Variants in CYRIA observed in about 807,000 individuals in gnomAD.
CYRIA encodes the protein CYFIP-related Rac1 interactor A.
Under a neutral mutation model 43.9 loss-of-function variants are expected in CYRIA, and 15 were observed. The observed-to-expected ratio is 0.34, with a 90% CI of 0.23 to 0.53. The LOEUF (loss-of-function observed/expected upper bound fraction) is 0.53. CYRIA is among the 20% of genes least tolerant of loss of function. The pLI is 0.94. For synonymous variants in CYRIA, 117 were observed against 136.0 expected (o/e 0.86, Z 0.97); for missense variants, 236 against 394.2 (o/e 0.60, Z 3.40).
chr2:16,602,702 G>C (rs1360835490), intron 2 of CYRIA, among the ~76,000 whole-genome samples: 1 of 151,986 alleles, frequency 6.6e-6, no homozygotes, highest in Non-Finnish European at 1.5e-5. Context: ...AAAAAGAATG[G>C]GTCCAAGAAT....
chr2:16,586,412 T>A (rs1409228879), intron 3 of CYRIA, among the ~76,000 whole-genome samples: 2 of 152,012 alleles, frequency 1.3e-5, no homozygotes, highest in Non-Finnish European at 2.9e-5. Flanking sequence ...TAGAGGAATA[T>A]CAAAAGTTAA....
At chr2:16,576,688 A>AC (rs1244985721) in intron 3 of CYRIA, among the ~76,000 whole-genome samples, 1 of 152,212 alleles carries the variant, frequency 6.6e-6, no homozygotes, top group Non-Finnish European at 1.5e-5. Flanking sequence ...AGCTATTCAC[A>AC]CCACGACTAG....
At chr2:16,573,102 T>A (rs1299377594) in intron 3 of CYRIA, among the ~76,000 whole-genome samples, 1 of 152,204 alleles carries the variant, frequency 6.6e-6, no homozygotes, top group East Asian at 1.9e-4. Flanking sequence ...ATGCAAGAGA[T>A]GTTCTGCATA....
intron 4 of CYRIA, among the ~76,000 whole-genome samples, chr2:16,565,215 G>A (rs1666884333): frequency 7.1e-6 from 1 of 139,872 alleles, no homozygotes; most frequent in Non-Finnish European, 1.5e-5. Context: ...CACTCTTGTT[G>A]CCCAGGCTGG....
chr2:16,621,657 C>G (rs1433569381), intron 2 of CYRIA, among the ~76,000 whole-genome samples: 2 of 152,166 alleles, frequency 1.3e-5, no homozygotes, highest in Non-Finnish European at 2.9e-5. Flanking sequence ...GTGCATTCCC[C>G]GATCAGAGAT....
At chr2:16,569,061 A>G (rs991261106) in intron 3 of CYRIA, among the ~76,000 whole-genome samples, 2 of 152,216 alleles carry the variant, frequency 1.3e-5, no homozygotes, top group Admixed American at 6.5e-5. Flanking sequence ...TGAAAAAGGT[A>G]CTGGCACTAG....
At chr2:16,638,163 A>G (rs2103531042) in intron 1 of CYRIA, among the ~76,000 whole-genome samples, 1 of 152,212 alleles carries the variant, frequency 6.6e-6, no homozygotes, top group East Asian at 1.9e-4. Context: ...AGCAGTAAGA[A>G]GGAGAAGGAA....
intron 5 of CYRIA, 99 bp from the exon 6 acceptor site, chr2:16,562,240 C>G: frequency 2.3e-6 from 3 of 1,278,852 alleles, no homozygotes; most frequent in Non-Finnish European, 3.2e-6. Flanking sequence ...CGGAGATCAC[C>G]TGCTTGAGTC....
At chr2:16,578,285 G>A (rs914643797) in intron 3 of CYRIA, among the ~76,000 whole-genome samples, 2 of 152,164 alleles carry the variant, frequency 1.3e-5, no homozygotes, top group Non-Finnish European at 2.9e-5. Context: ...GTGATTTTCT[G>A]AGTGCACGTA....
chr2:16,604,077 C>T (rs1364001853), intron 2 of CYRIA, among the ~76,000 whole-genome samples: 2 of 152,170 alleles, frequency 1.3e-5, no homozygotes, highest in Non-Finnish European at 2.9e-5. Context: ...CGTCGTCAGG[C>T]CAGCGCCTTC....
At chr2:16,560,819 A>T in intron 9 of CYRIA, 171 bp downstream of exon 9, 3 of 645,710 alleles carry the variant, frequency 4.6e-6, no homozygotes, top group Non-Finnish European at 5.5e-6. Context: ...TCAGCTATGC[A>T]GTAGTGATAG....
Position 16,552,311 on chromosome 2 carries a change from T to G in CYRIA, c.*625A>C, listed in dbSNP as rs1177874953. 1 of 151,980 alleles carries G rather than the reference T, an allele frequency of 6.6e-6. No individual in the cohort carries two copies. Among genetic ancestry groups the G allele is most frequent in the Non-Finnish European group, 1.5e-5 (1 of 68,004 alleles). The allele number at this position is 151,980 out of a possible 1,614,324, so 9.4% of individuals were successfully genotyped here. A position where few individuals can be genotyped will look rare whatever the true frequency, so the allele number is the denominator to read the frequency against. ...ACTAACTGAAAAAAATACAGGAGATTTTTTTTTCATGTGAAATTAAAGGAG... is the reference window on the plus strand; with the variant it reads ...ACTAACTGAAAAAAATACAGGAGATGTTTTTTTCATGTGAAATTAAAGGAG... On this transcript the variant is annotated 3_prime_UTR_variant, in exon 12 of 12. Transcript: ENST00000381323.
chr2:16,564,419 C>T (rs781287522), intron 4 of CYRIA, among the ~76,000 whole-genome samples: 31 of 152,298 alleles, frequency 2.0e-4, no homozygotes, highest in Non-Finnish European at 4.0e-4. Context: ...TGGAATTCTG[C>T]TCATTATAAA....
chr2:16,580,560 A>G (rs747922481), intron 3 of CYRIA, among the ~76,000 whole-genome samples: 6 of 152,194 alleles, frequency 3.9e-5, no homozygotes, highest in South Asian at 2.1e-4. Flanking sequence ...ACACATGGCA[A>G]TTCTCCCCTA....
intron 1 of CYRIA, among the ~76,000 whole-genome samples, chr2:16,654,834 T>C (rs1423774651): frequency 6.6e-6 from 1 of 152,214 alleles, no homozygotes; most frequent in African/African-American, 2.4e-5. Context: ...GGGAATACTA[T>C]GAAAAATTAA....
chr2:16,575,593 T>C (rs1042091600), intron 3 of CYRIA, among the ~76,000 whole-genome samples: 3 of 152,056 alleles, frequency 2.0e-5, no homozygotes, highest in South Asian at 2.1e-4. Context: ...CGGTGGCTCA[T>C]GCTTGTAATC....
rs890395655 is a variant in CYRIA at position 16,565,528 on chromosome 2, C to G, written c.192+118G>C. 2.4e-6 allele frequency: 3 copies of G among 1,238,046 alleles called. No homozygotes were observed. In the South Asian group the frequency reaches 6.6e-5, roughly 27 times the overall value. 76.7% of individuals were successfully genotyped at this position (1,238,046 alleles called of 1,614,324 possible). A position where few individuals can be genotyped will look rare whatever the true frequency, so the allele number is the denominator to read the frequency against. ...AGGACACATTACCCTCCTTGTTCTT[C>G]CTGGTACTCTAGGAAATACTGTAGC... On this transcript the variant is annotated intron_variant, in intron 4 of 11. Coordinates refer to ENST00000381323, the MANE Select transcript of CYRIA (RefSeq NM_030797.4).
At chr2:16,653,483 G>C (rs1305537999) in intron 1 of CYRIA, among the ~76,000 whole-genome samples, 2 of 152,136 alleles carry the variant, frequency 1.3e-5, no homozygotes, top group Non-Finnish European at 2.9e-5. Flanking sequence ...CCATCCTTCT[G>C]TATACCCATC....
At chr2:16,615,985 T>C (rs1450699280) in intron 2 of CYRIA, among the ~76,000 whole-genome samples, 1 of 152,182 alleles carries the variant, frequency 6.6e-6, no homozygotes, top group African/African-American at 2.4e-5. Context: ...TTTCGCTCGA[T>C]TATCGCTGTG....
Sources: allele counts gnomAD v4.1 joint callset (sites outside exome capture counted in the v4.1 genomes callset), GRCh38; gene constraint gnomAD v4.1.1; transcripts MANE v1.5; gene names NCBI Gene and HGNC (gene_info 2026-07-23, HGNC 2026-07-21).